Variants in COA4 observed in about 807,000 individuals in gnomAD.
COA4 encodes cytochrome c oxidase assembly factor 4 homolog.
In COA4, 8 loss-of-function variants were observed where a neutral mutation model predicts 7.3. That is an observed-to-expected ratio of 1.10 (90% CI 0.64 to 1.98). The LOEUF (loss-of-function observed/expected upper bound fraction) is 1.98. Among genes scored for constraint, COA4 ranks in the 30% most tolerant of loss-of-function variants. The pLI, the probability that COA4 is intolerant of heterozygous loss-of-function variation, is 0.00. For missense variants in COA4, 96 were observed against 111.2 expected, an observed-to-expected ratio of 0.86 and a Z score of 0.62; for synonymous variants, 42 against 44.3, an observed-to-expected ratio of 0.95 and a Z score of 0.21.
At position 73,876,763 on chromosome 11, in the gene COA4, G is replaced by A. The variant is rs1483999933; in HGVS notation, c.-23C>T. On this transcript the variant is annotated 5_prime_UTR_variant, in exon 1 of 2. Coordinates refer to ENST00000355693, the MANE Select transcript of COA4 (RefSeq NM_016565.3). The stretch of plus-strand genomic sequence containing the variant: ...CGCGGTACGCGATGCTCACCGAACA[G>A]GTGGGAGAAGAGGGCCCGAACGCAC... 5.5e-6 allele frequency: 2 copies of A among 365,790 alleles called. No homozygotes were observed. The highest frequency in any genetic ancestry group is 9.8e-6 in the Non-Finnish European group (2 of 203,562). The allele number at this position is 365,790 out of a possible 1,614,324, so 22.7% of individuals were successfully genotyped here.
chr11:73,875,610 A>C (rs914806328), intron 1 of COA4: 1 of 152,180 alleles, frequency 6.6e-6, no homozygotes, highest in African/African-American at 2.4e-5. Flanking sequence ...GAGATGGGAA[A>C]ACTATTTTTG....
chr11:73,872,937 G>T lies in COA4; in HGVS notation c.*178C>A. 1.5e-6 allele frequency: 1 copy of T among 684,644 alleles called. No individual in the cohort carries two copies. Among genetic ancestry groups the T allele is most frequent in the Non-Finnish European group, 2.4e-6 (1 of 416,880 alleles). The allele number at this position is 684,644 out of a possible 1,614,324, so 42.4% of individuals were successfully genotyped here. The stretch of plus-strand genomic sequence containing the variant: ...CTGAGAATGTATGACATCTGACCAT[G>T]AACATATGACAGCTGTTTGTGCCAG... On this transcript the variant is annotated 3_prime_UTR_variant, in exon 2 of 2. Coordinates refer to ENST00000355693, the MANE Select transcript of COA4 (RefSeq NM_016565.3).
intron 1 of COA4, among the ~76,000 whole-genome samples, chr11:73,875,384 T>A (rs1253757553): frequency 1.3e-5 from 2 of 152,184 alleles, no homozygotes; most frequent in Non-Finnish European, 2.9e-5. Flanking sequence ...GTGCTGAGGA[T>A]TCAAGACTGT....
At position 73,873,381 on chromosome 11, in the gene COA4, T is replaced by G. The variant is rs144081206; in HGVS notation, c.-3A>C. The G allele has an allele frequency of 6.2e-7, 1 of 1,613,996 alleles. No homozygotes were observed. The highest frequency in any genetic ancestry group is 2.2e-5 in the East Asian group (1 of 44,882). On this transcript the variant is annotated 5_prime_UTR_variant, in exon 2 of 2. Transcript: ENST00000355693. ...CCTTGAGGGACTGAGGTTGACATCC[T>G]GGGGATGGGGAGTCTATAGAACATT...
intron 1 of COA4, among the ~76,000 whole-genome samples, chr11:73,875,484 C>CT (rs1173090413): frequency 1.4e-4 from 21 of 152,098 alleles, no homozygotes; most frequent in African/African-American, 5.1e-4. Context: ...ATAGCAAAGA[C>CT]TGGGACCACA....
At chr11:73,873,615 A>G (rs1948712736) in intron 1 of COA4, 2 of 564,394 alleles carry the variant, frequency 3.5e-6, no homozygotes, top group Non-Finnish European at 6.2e-6. Context: ...GGATCAAGCA[A>G]TCCTTCCCCC....
Position 73,873,385 on chromosome 11 carries a change from G to A in COA4, c.-7C>T, listed in dbSNP as rs1948709840. 3 of 1,613,858 alleles carry A rather than the reference G, an allele frequency of 1.9e-6. No homozygotes were observed. Among genetic ancestry groups the A allele is most frequent in the African/African-American group, 2.7e-5 (2 of 74,938 alleles). On this transcript the variant is annotated 5_prime_UTR_variant, in exon 2 of 2. Coordinates refer to ENST00000355693, the MANE Select transcript of COA4 (RefSeq NM_016565.3). ...GAGGGACTGAGGTTGACATCCTGGG[G>A]ATGGGGAGTCTATAGAACATTAACA...
In COA4 at chr11:73,873,019, G is replaced by C; in HGVS notation, c.*96C>G. The C allele has an allele frequency of 6.8e-7, 1 of 1,470,834 alleles. No individual in the cohort carries two copies. Among genetic ancestry groups the C allele is most frequent in the Non-Finnish European group, 9.1e-7 (1 of 1,103,616 alleles). The allele number at this position is 1,470,834 out of a possible 1,614,324, so 91.1% of individuals were successfully genotyped here. A position where few individuals can be genotyped will look rare whatever the true frequency, so the allele number is the denominator to read the frequency against. ...ATCCAAAAACTCTCCCCATGTTTTA[G>C]ACCTCCCACACCAGCATTTAGGATT... On this transcript the variant is annotated 3_prime_UTR_variant, in exon 2 of 2. Transcript: ENST00000355693.
In COA4 at chr11:73,873,217, G is replaced by A. The variant is rs752255629; in HGVS notation, c.162C>T (p.Cys54=). 1 of 1,614,212 alleles carries A rather than the reference G, an allele frequency of 6.2e-7. No homozygotes were observed. The highest frequency in any genetic ancestry group is 8.5e-7 in the Non-Finnish European group (1 of 1,180,040). Reference sequence around the variant, plus strand: ...CCTTGAACGCCTGCACCTGTGGCTGGCATTGCCGCCAGTCCTGGTGCTGGG... The same window carrying A: ...CCTTGAACGCCTGCACCTGTGGCTGACATTGCCGCCAGTCCTGGTGCTGGG... ...CMAQHQDWRQ[C]QPQVQAFKDC... The change falls in exon 2 of 2, where the codon TGC becomes TGT. Residue 54 remains cysteine (C), a synonymous_variant. Transcript: ENST00000355693.
intron 1 of COA4, 185 bp downstream of exon 1, chr11:73,876,572 T>G (rs1160130362): frequency 6.5e-6 from 1 of 154,020 alleles, no homozygotes; most frequent in Admixed American, 6.5e-5. Flanking sequence ...TCGTGGAGGC[T>G]GGCCTAAACA....
rs773969293 is a variant in COA4, at chr11:73,873,372, T to C, written c.7A>G (p.Thr3Ala). The change falls in exon 2 of 2, where the codon ACC becomes GCC. Residue 3 changes from threonine (T) to alanine (A), a missense_variant. By Grantham distance (58) the Thr-to-Ala change is moderately conservative. Transcript: ENST00000355693. MS[T>A]SVPQGHTWTQ... ...CAGGTATGGCCTTGAGGGACTGAGG[T>C]TGACATCCTGGGGATGGGGAGTCTA... The C allele has an allele frequency of 4.3e-6, 7 of 1,614,100 alleles. No homozygotes were observed. In the East Asian group the frequency reaches 6.7e-5, roughly 15 times the overall value.
At chr11:73,875,081 TA>T (rs1251059376) in intron 1 of COA4, among the ~76,000 whole-genome samples, 1 of 152,230 alleles carries the variant, frequency 6.6e-6, no homozygotes, top group Admixed American at 6.5e-5. Context: ...GGCTGTAGCA[TA>T]CAGTATGCAG....
intron 1 of COA4, chr11:73,875,702 A>C (rs1948735302): frequency 6.6e-6 from 1 of 152,146 alleles, no homozygotes; most frequent in Non-Finnish European, 1.5e-5. Context: ...GGGAGAATAC[A>C]GTGTGAGAAT....
Position 73,873,077 on chromosome 11 carries a change from T to G in COA4, c.*38A>C. The G allele has an allele frequency of 6.4e-7, 1 of 1,560,348 alleles. No individual in the cohort carries two copies. The highest frequency in any genetic ancestry group is 8.7e-7 in the Non-Finnish European group (1 of 1,150,820). ...CTATAATCTTGCTGGGTGCTGGTCT[T>G]GGCAGGGCCATCTACTGGGGATAGG... On this transcript the variant is annotated 3_prime_UTR_variant, in exon 2 of 2. Transcript: ENST00000355693.
intron 1 of COA4, among the ~76,000 whole-genome samples, chr11:73,874,846 CG>C (rs1183751934): frequency 6.6e-6 from 1 of 151,920 alleles, no homozygotes; most frequent in Non-Finnish European, 1.5e-5. Flanking sequence ...ATTAGGCGGG[CG>C]TGATGGCAGG....
chr11:73,874,978 C>T (rs1565119001), intron 1 of COA4, among the ~76,000 whole-genome samples: 1 of 152,118 alleles, frequency 6.6e-6, no homozygotes, highest in Non-Finnish European at 1.5e-5. Context: ...CAGAGTGAGA[C>T]TCCATCTCCA....
intron 1 of COA4, 151 bp from the exon 2 acceptor site, chr11:73,873,545 T>G (rs1948712072): frequency 7.1e-6 from 5 of 708,540 alleles, no homozygotes; most frequent in South Asian, 6.2e-5. Flanking sequence ...TGTTTTTTTT[T>G]TTTTTTTTTT....
intron 1 of COA4, among the ~76,000 whole-genome samples, chr11:73,874,823 T>C (rs1029901353): frequency 5.9e-5 from 9 of 151,990 alleles, no homozygotes; most frequent in Non-Finnish European, 8.8e-5. Context: ...CCGTCTCTAC[T>C]AAAAATACAA....
At position 73,873,146 on chromosome 11, in the gene COA4, C is replaced by G. The variant is rs1400799848; in HGVS notation, c.233G>C (p.Arg78Thr). 1 of 1,612,258 alleles carries G rather than the reference C, an allele frequency of 6.2e-7. No individual in the cohort carries two copies. The highest frequency in any genetic ancestry group is 1.7e-5 in the Admixed American group (1 of 59,950). The change falls in exon 2 of 2, where the codon AGG becomes ACG. Residue 78 changes from arginine (R) to threonine (T), a missense_variant. By Grantham distance (71) the Arg-to-Thr change is moderately conservative (BLOSUM62 -1). Transcript: ENST00000355693. Reference sequence around the variant, plus strand: ...GTGGGCACCGGCTTGTTCTTGCCTCCTCTGCAGCTCCTCTTGCCGCCTCGC... The same window carrying G: ...GTGGGCACCGGCTTGTTCTTGCCTCGTCTGCAGCTCCTCTTGCCGCCTCGC... Reference protein sequence around the residue: ...QQARRQEELQRRQEQAGAHH With the variant: ...QQARRQEELQTRQEQAGAHH
Sources: gnomAD v4.1 joint callset for allele counts (sites outside exome capture counted in the v4.1 genomes callset) on GRCh38, gnomAD v4.1.1 for gene constraint, MANE v1.5 for transcripts, NCBI Gene and HGNC (gene_info 2026-07-23, HGNC 2026-07-21) for gene names.